Variants in SPATA32 observed in about 807,000 individuals in gnomAD.
SPATA32 encodes spermatogenesis associated 32.
SPATA32 carries 28 observed loss-of-function variants against 35.4 expected under a neutral mutation model. That is an observed-to-expected ratio of 0.79 (90% CI 0.59 to 1.09). The LOEUF (loss-of-function observed/expected upper bound fraction) is 1.09. Among genes scored for constraint, SPATA32 ranks in the 50% least tolerant of loss-of-function variants. The probability of loss-of-function intolerance (pLI) is 0.00; values close to 1 mark genes in which losing one functional copy is unlikely to be tolerated. For missense variants in SPATA32, 409 were observed against 475.9 expected (o/e 0.86, Z 1.31); for synonymous variants, 168 against 196.3 (o/e 0.86, Z 1.20).
Position 45,256,251 on chromosome 17 carries a change from G to A in SPATA32, c.108+125C>T. Reference sequence around the variant, plus strand: ...TGCCCGGTGAGGGGGTGTGTGTGTGGGTGTACCCACACCGGCCTGGTACTA... The same window carrying A: ...TGCCCGGTGAGGGGGTGTGTGTGTGAGTGTACCCACACCGGCCTGGTACTA... On this transcript the variant is annotated intron_variant, in intron 3 of 4. Transcript: ENST00000331780. This position sits in a 1 kb window ranked among gnomAD's most constrained non-coding sequence, Gnocchi z 4.7. The A allele has an allele frequency of 8.2e-7, 1 of 1,213,446 alleles. No homozygotes were observed. 75.2% of individuals were successfully genotyped at this position (1,213,446 alleles called of 1,614,324 possible). A position where few individuals can be genotyped will look rare whatever the true frequency, so the allele number is the denominator to read the frequency against.
In SPATA32 at chr17:45,256,961, G is replaced by T. The variant is rs1224863080; in HGVS notation, c.68+192C>A. 2.0e-5 allele frequency among the ~76,000 whole-genome samples: 3 copies of T among 152,206 alleles called. No individual in the cohort carries two copies. Among genetic ancestry groups the T allele is most frequent in the Non-Finnish European group, 2.9e-5 (2 of 68,032 alleles). On this transcript the variant is annotated intron_variant, in intron 2 of 4. Transcript: ENST00000331780. The surrounding 1 kb of genome is among the most constrained non-coding windows in gnomAD (Gnocchi z 4.7). The stretch of plus-strand genomic sequence containing the variant: ...CTTCCTCTCATGCCAGGGGCTGAGG[G>T]CATAAACAGAAGTGGGAGGATAGGC...
intron 1 of SPATA32, chr17:45,260,134 G>C (rs7225083): frequency 0.72 from 108,736 of 150,320 alleles, 39,606 homozygotes; most frequent in African/African-American, 0.8. Context: ...TGAGGTCTCA[G>C]TATGTTGCCC....
At position 45,256,970 on chromosome 17, in the gene SPATA32, GAA is replaced by G. The variant is rs2043963794; in HGVS notation, c.68+181_68+182del. Among the ~76,000 whole-genome samples the G allele has an allele frequency of 6.6e-6, 1 of 152,224 alleles. No homozygotes were observed. The highest frequency in any genetic ancestry group is 2.4e-5 in the African/African-American group (1 of 41,452). ...ATGCCAGGGGCTGAGGGCATAAACA[GAA>G]GTGGGAGGATAGGCGCCCCACGCCC... On this transcript the variant is annotated intron_variant, in intron 2 of 4. Transcript: ENST00000331780. The surrounding 1 kb of genome is among the most constrained non-coding windows in gnomAD (Gnocchi z 4.7).
Position 45,257,452 on chromosome 17 carries a change from C to G in SPATA32, c.14-245G>C, listed in dbSNP as rs1032172441. ...GGCTCCCGGTTCCATCTCCATCCCC[C>G]AAAACCGTGACTGCTAACAGTACCC... is the stretch of plus-strand genomic sequence containing the variant. On this transcript the variant is annotated intron_variant, in intron 1 of 4. Coordinates refer to ENST00000331780, the MANE Select transcript of SPATA32 (RefSeq NM_152343.3). Among the ~76,000 whole-genome samples, 5 of 152,296 alleles carry G rather than the reference C, an allele frequency of 3.3e-5. No individual in the cohort carries two copies. The South Asian group carries it at 6.2e-4, about 19-fold the overall frequency.
chr17:45,260,773 C>G (rs1367611310), intron 1 of SPATA32: 1 of 152,232 alleles, frequency 6.6e-6, no homozygotes, highest in Non-Finnish European at 1.5e-5. Context: ...CAGAGTGAGC[C>G]TGCTACATCT....
intron 1 of SPATA32, among the ~76,000 whole-genome samples, chr17:45,258,272 A>G (rs1239428383): frequency 6.6e-6 from 1 of 152,042 alleles, no homozygotes; most frequent in African/African-American, 2.4e-5. Flanking sequence ...GGCCGGCTCA[A>G]TGATCTCTTC....
intron 1 of SPATA32, chr17:45,260,724 G>A (rs2043998113): frequency 6.6e-6 from 1 of 152,230 alleles, no homozygotes; most frequent in Non-Finnish European, 1.5e-5. Flanking sequence ...TGGGACCACT[G>A]CAACTATGTC....
chr17:45,255,925 T>G lies in SPATA32; in HGVS notation c.257A>C (p.Glu86Ala). 6.2e-7 allele frequency: 1 copy of G among 1,614,098 alleles called. No homozygotes were observed. Among genetic ancestry groups the G allele is most frequent in the Non-Finnish European group, 8.5e-7 (1 of 1,180,014 alleles). ...ELYPALKLEAELDTEANSNEE... is the reference protein window; with the variant it reads ...ELYPALKLEAALDTEANSNEE... ...GTTCGAGTTGGCTTCCGTGTCCAGC[T>G]CAGCTTCAAGCTTGAGGGCTGGGTA... Residue 86 changes from glutamate to alanine, a missense_variant, in exon 4 of 5, where the codon GAG becomes GCG. By Grantham distance (107) the Glu-to-Ala change is moderately radical. Coordinates refer to ENST00000331780, the MANE Select transcript of SPATA32 (RefSeq NM_152343.3). The surrounding 1 kb of genome is among the most constrained non-coding windows in gnomAD (Gnocchi z 5.4).
Position 45,256,793 on chromosome 17 carries a change from G to T in SPATA32, c.68+360C>A, listed in dbSNP as rs1027621165. Among the ~76,000 whole-genome samples the T allele has an allele frequency of 7.2e-5, 11 of 152,112 alleles. No individual in the cohort carries two copies. The highest frequency in any genetic ancestry group is 1.5e-4 in the Non-Finnish European group (10 of 68,008). Reference sequence around the variant, plus strand: ...TAGTCCCCAGCAGGGGAGCCCCAGAGCAATGTCCTCCCACCCACCTGCCCA... The same window carrying T: ...TAGTCCCCAGCAGGGGAGCCCCAGATCAATGTCCTCCCACCCACCTGCCCA... On this transcript the variant is annotated intron_variant, in intron 2 of 4. Transcript: ENST00000331780. The surrounding 1 kb of genome is among the most constrained non-coding windows in gnomAD (Gnocchi z 4.7).
Position 45,254,437 on chromosome 17 carries a change from G to C in SPATA32, c.1144C>G (p.Pro382Ala). 6.2e-7 allele frequency: 1 copy of C among 1,614,120 alleles called. No individual in the cohort carries two copies. ...TTGGTTCTGTCTAGTCATTTCTCTG[G>C]GATTGTGGGGGCTGACAGCTTAAAA... ...IHFKLSAPTI[P>A]EK The change falls in exon 5 of 5, where the codon CCA becomes GCA. Residue 382 changes from proline to alanine, a missense_variant. Pro to Ala is a conservative substitution (Grantham distance 27). Coordinates refer to ENST00000331780, the MANE Select transcript of SPATA32 (RefSeq NM_152343.3).
At chr17:45,261,304 T>G (rs985741569) in intron 1 of SPATA32, among the ~76,000 whole-genome samples, 1 of 152,126 alleles carries the variant, frequency 6.6e-6, no homozygotes, top group East Asian at 1.9e-4. Flanking sequence ...AGGCTGATCT[T>G]GAACTCCTGG....
At chr17:45,258,087 G>C (rs1276103078) in intron 1 of SPATA32, among the ~76,000 whole-genome samples, 1 of 152,174 alleles carries the variant, frequency 6.6e-6, no homozygotes, top group African/African-American at 2.4e-5. Context: ...GGCAGGAAGT[G>C]ACAGCCCTGG....
In SPATA32 at chr17:45,261,984, G is replaced by A; in HGVS notation, c.13+20C>T. 1.5e-6 allele frequency: 2 copies of A among 1,311,056 alleles called. No homozygotes were observed. The highest frequency in any genetic ancestry group is 2.0e-6 in the Non-Finnish European group (2 of 1,021,590). The allele number at this position is 1,311,056 out of a possible 1,614,324, so 81.2% of individuals were successfully genotyped here. On this transcript the variant is annotated intron_variant, in intron 1 of 4. Coordinates refer to ENST00000331780, the MANE Select transcript of SPATA32 (RefSeq NM_152343.3). ...CCCGCCTGCCCCAACCCTCGCCCCCGGGCGCTCGGCCGCTCCCACCTGTCA... is the reference window on the plus strand; with the variant it reads ...CCCGCCTGCCCCAACCCTCGCCCCCAGGCGCTCGGCCGCTCCCACCTGTCA...
rs2043961318 is a variant in SPATA32, at chr17:45,256,682, T to A, written c.69-267A>T. Among the ~76,000 whole-genome samples the A allele has an allele frequency of 1.3e-5, 2 of 152,134 alleles. No individual in the cohort carries two copies. Among genetic ancestry groups the A allele is most frequent in the Non-Finnish European group, 2.9e-5 (2 of 68,018 alleles). On this transcript the variant is annotated intron_variant, in intron 2 of 4. Coordinates refer to ENST00000331780, the MANE Select transcript of SPATA32 (RefSeq NM_152343.3). This position sits in a 1 kb window ranked among gnomAD's most constrained non-coding sequence, Gnocchi z 4.7. The stretch of plus-strand genomic sequence containing the variant: ...ACCCCCAAAGAGGAATCCAGTTGGT[T>A]GGAGGTAAGGCCCAGGAATCTCATT...
In SPATA32 at chr17:45,256,471, G is replaced by A. The variant is rs1378790717; in HGVS notation, c.69-56C>T. On this transcript the variant is annotated intron_variant, in intron 2 of 4. Transcript: ENST00000331780. The surrounding 1 kb of genome is among the most constrained non-coding windows in gnomAD (Gnocchi z 4.7). ...GGGATCTGTGGGGCTTCAGCGGGAA[G>A]GGGGTTTCTGGGGCCCTCAAAGCCC... is the stretch of plus-strand genomic sequence containing the variant. 2.7e-6 allele frequency: 4 copies of A among 1,492,684 alleles called. No individual in the cohort carries two copies. Among genetic ancestry groups the A allele is most frequent in the Non-Finnish European group, 3.7e-6 (4 of 1,069,462 alleles). 92.5% of individuals were successfully genotyped at this position (1,492,684 alleles called of 1,614,324 possible).
In SPATA32 at chr17:45,256,661, C is replaced by G. The variant is rs9909939; in HGVS notation, c.69-246G>C. On this transcript the variant is annotated intron_variant, in intron 2 of 4. Transcript: ENST00000331780. The surrounding 1 kb of genome is among the most constrained non-coding windows in gnomAD (Gnocchi z 4.7). ...CTGCTTGCCAACTCATGCCCCACCCCCAAAGAGGAATCCAGTTGGTTGGAG... is the reference window on the plus strand; with the variant it reads ...CTGCTTGCCAACTCATGCCCCACCCGCAAAGAGGAATCCAGTTGGTTGGAG... Among the ~76,000 whole-genome samples, 1,706 of 152,282 alleles carry G rather than the reference C, an allele frequency of 0.011. 24 individuals are homozygous for G. The highest frequency in any genetic ancestry group is 0.033 in the African/African-American group (1,383 of 41,534).
chr17:45,256,390 G>A lies in SPATA32; in HGVS notation c.94C>T (p.Gln32Ter). 1 of 1,610,670 alleles carries A rather than the reference G, an allele frequency of 6.2e-7. No individual in the cohort carries two copies. The change falls in exon 3 of 5, where the codon CAA (glutamine) becomes TAA (stop). Residue 32 changes from glutamine to a stop codon, truncating the protein, a stop_gained. Coordinates refer to ENST00000331780, the MANE Select transcript of SPATA32 (RefSeq NM_152343.3). LOFTEE classifies it high-confidence loss of function. This position sits in a 1 kb window ranked among gnomAD's most constrained non-coding sequence, Gnocchi z 4.7. Reference sequence around the variant, plus strand: ...CCCATTTTTACCTCCTGTTCCTCTTGTATCTGGTGTTGACTTAAGTCATCT... The same window carrying A: ...CCCATTTTTACCTCCTGTTCCTCTTATATCTGGTGTTGACTTAAGTCATCT... The part of the protein sequence containing the change: ...MRDDLSQHQI[Q>*]EEQELEADML...
chr17:45,259,269 T>C (rs2043983996), intron 1 of SPATA32, among the ~76,000 whole-genome samples: 1 of 152,194 alleles, frequency 6.6e-6, no homozygotes. Flanking sequence ...ATGCTAGCTG[T>C]AGGTTTCTTC....
intron 1 of SPATA32, among the ~76,000 whole-genome samples, chr17:45,260,303 T>G (rs1318257846): frequency 1.3e-5 from 2 of 152,126 alleles, no homozygotes; most frequent in East Asian, 3.9e-4. Context: ...CGGTTCTGCC[T>G]GTCTGACCCC....
Sources: allele counts gnomAD v4.1 joint callset (sites outside exome capture counted in the v4.1 genomes callset), GRCh38; gene constraint gnomAD v4.1.1; non-coding constraint Gnocchi (gnomAD v3.1); transcripts MANE v1.5; gene names NCBI Gene and HGNC (gene_info 2026-07-23, HGNC 2026-07-21).